RMI2: variants seen among roughly 807,000 people sequenced by gnomAD.
RMI2 encodes the protein RecQ mediated genome instability 2.
Under a neutral mutation model 8.4 loss-of-function variants are expected in RMI2, and 11 were observed. That is an observed-to-expected ratio of 1.32 (90% CI 0.83 to 2.18). The LOEUF (loss-of-function observed/expected upper bound fraction) is 2.18, where lower values mean the gene tolerates loss of function less well. Among genes scored for constraint, RMI2 ranks in the 30% most tolerant of loss-of-function variants. RMI2 has a pLI of 0.00. For synonymous variants in RMI2, 105 were observed against 93.8 expected (o/e 1.12, Z -0.69); for missense variants, 253 against 207.5 (o/e 1.22, Z -1.35).
At chr16:11,346,963 C>G (rs1025767477) in intron 1 of RMI2, among the ~76,000 whole-genome samples, 2 of 152,230 alleles carry the variant, frequency 1.3e-5, no homozygotes, top group Admixed American at 6.5e-5. Context: ...GTCCTGACAA[C>G]TGTATCCTCA....
chr16:11,346,858 T>C (rs2070880563), intron 1 of RMI2, among the ~76,000 whole-genome samples: 3 of 152,212 alleles, frequency 2.0e-5, no homozygotes, highest in Non-Finnish European at 4.4e-5. Context: ...CTTGGGTAGC[T>C]GGGACTACAG....
chr16:11,345,611 C>T lies in RMI2; in HGVS notation c.140C>T (p.Ala47Val). Residue 47 changes from alanine to valine, a missense_variant, in exon 1 of 2, where the codon GCG becomes GTG. Physicochemically the swap from Ala to Val is moderately conservative, Grantham distance 64. Coordinates refer to ENST00000312499, the MANE Select transcript of RMI2 (RefSeq NM_152308.3). ...GPGAWRLSRA[A>V]AGRGPLDLAA... is the part of the protein sequence containing the mutation. ...GGCGCGTGGCGGCTGTCACGGGCGG[C>T]GGCGGGCCGCGGGCCGCTGGACCTG... is the stretch of plus-strand genomic sequence containing the variant. The T allele has an allele frequency of 2.4e-6, 3 of 1,225,606 alleles. No individual in the cohort carries two copies. Among genetic ancestry groups the T allele is most frequent in the Admixed American group, 4.3e-5 (1 of 23,516 alleles). 75.9% of individuals were successfully genotyped at this position (1,225,606 alleles called of 1,614,324 possible). A position where few individuals can be genotyped will look rare whatever the true frequency, so the allele number is the denominator to read the frequency against.
intron 1 of RMI2, among the ~76,000 whole-genome samples, 170 bp downstream of exon 1, chr16:11,345,936 C>T (rs1014195353): frequency 2.6e-5 from 2 of 75,742 alleles, no homozygotes; most frequent in Non-Finnish European, 6.7e-5. Flanking sequence ...TCCGGTCCCT[C>T]CTTGGTGAAG....
In RMI2 at chr16:11,350,599, A is replaced by G. The variant is rs775040540; in HGVS notation, c.296-43A>G. The G allele has an allele frequency of 1.8e-5, 19 of 1,075,032 alleles. No homozygotes were observed. In the African/African-American group the frequency reaches 1.8e-4, roughly 10 times the overall value. 66.6% of individuals were successfully genotyped at this position (1,075,032 alleles called of 1,614,324 possible). ...AGCAAGACTCTGTCTCAAAAGAAGA[A>G]AAAAAAAAAGAACATTACTATGGGC... On this transcript the variant is annotated intron_variant, in intron 1 of 1. Coordinates refer to ENST00000312499, the MANE Select transcript of RMI2 (RefSeq NM_152308.3).
At position 11,345,679 on chromosome 16, in the gene RMI2, G is replaced by C; in HGVS notation, c.208G>C (p.Gly70Arg). Reference protein sequence around the residue: ...MQGRVVMADRGEARLRDPSGD... With the variant: ...MQGRVVMADRREARLRDPSGD... ...GGGCAGGGTAGTGATGGCGGACCGC[G>C]GCGAGGCTCGGCTGAGGGACCCGAG... The change falls in exon 1 of 2, where the codon GGC becomes CGC. Residue 70 changes from glycine (G) to arginine (R), a missense_variant. By Grantham distance (125) the Gly-to-Arg change is moderately radical. Coordinates refer to ENST00000312499, the MANE Select transcript of RMI2 (RefSeq NM_152308.3). 7.9e-7 allele frequency: 1 copy of C among 1,270,602 alleles called. No homozygotes were observed. The highest frequency in any genetic ancestry group is 9.9e-7 in the Non-Finnish European group (1 of 1,009,976). The allele number at this position is 1,270,602 out of a possible 1,614,324, so 78.7% of individuals were successfully genotyped here.
At chr16:11,348,372 G>C (rs1028434593) in intron 1 of RMI2, 1 of 152,260 alleles carries the variant, frequency 6.6e-6, no homozygotes, top group African/African-American at 2.4e-5. Flanking sequence ...CACCTTGCAG[G>C]CAGGCTGGGG....
intron 1 of RMI2, chr16:11,348,392 A>G (rs1034551938): frequency 3.9e-5 from 6 of 152,254 alleles, no homozygotes; most frequent in African/African-American, 1.2e-4. Flanking sequence ...GCAGTCTCCT[A>G]TCTGGTCTCA....
At chr16:11,350,200 G>A (rs373991227) in intron 1 of RMI2, among the ~76,000 whole-genome samples, 52 of 152,342 alleles carry the variant, frequency 3.4e-4, no homozygotes, top group African/African-American at 1.2e-3. Context: ...CCTCAGAGCC[G>A]CCTAATTATA....
intron 1 of RMI2, among the ~76,000 whole-genome samples, chr16:11,347,216 T>A (rs1047372965): frequency 3.3e-5 from 5 of 152,200 alleles, no homozygotes; most frequent in African/African-American, 9.6e-5. Flanking sequence ...TGCAAGGTGC[T>A]GAGTGGCCCG....
At chr16:11,347,638 G>A (rs996871924) in intron 1 of RMI2, among the ~76,000 whole-genome samples, 51 of 152,168 alleles carry the variant, frequency 3.4e-4, no homozygotes, top group Non-Finnish European at 6.3e-4. Flanking sequence ...CTCCTGTTCC[G>A]TCTTCCCACT....
rs935271157 is a variant in RMI2 at position 11,345,498 on chromosome 16, A to T, written c.27A>T (p.Ser9=). Residue 9 remains serine (S), a synonymous_variant, in exon 1 of 2, where the codon TCA becomes TCT. Transcript: ENST00000312499. MAAAADSF[S]GGPAGVRLPR... is the part of the protein sequence containing the mutation. The stretch of plus-strand genomic sequence containing the variant: ...TGGCGGCGGCTGCGGACTCGTTCTC[A>T]GGCGGCCCCGCGGGGGTGCGGCTTC... The T allele has an allele frequency of 3.0e-6, 4 of 1,315,142 alleles. No individual in the cohort carries two copies. Among genetic ancestry groups the T allele is most frequent in the Non-Finnish European group, 2.9e-6 (3 of 1,027,158 alleles). 81.5% of individuals were successfully genotyped at this position (1,315,142 alleles called of 1,614,324 possible).
In RMI2 at chr16:11,345,547, C is replaced by G. The variant is rs2070848799; in HGVS notation, c.76C>G (p.Leu26Val). 9.6e-6 allele frequency: 12 copies of G among 1,251,014 alleles called. No homozygotes were observed. Among genetic ancestry groups the G allele is most frequent in the Non-Finnish European group, 1.2e-5 (12 of 997,620 alleles). The allele number at this position is 1,251,014 out of a possible 1,614,324, so 77.5% of individuals were successfully genotyped here. Residue 26 changes from leucine to valine, a missense_variant, in exon 1 of 2, where the codon CTG (leucine) becomes GTG (valine). Leu to Val is a conservative substitution (Grantham distance 32). Transcript: ENST00000312499. ...TCCGAGGTCGCCGCCACTCAAGGTG[C>G]TGGCGGAGCAGCTGCGGCGCGACGC... ...RLPRSPPLKV[L>V]AEQLRRDAEG...
At position 11,349,308 on chromosome 16, in the gene RMI2, A is replaced by G. The variant is rs1597759529; in HGVS notation, c.296-1334A>G. On this transcript the variant is annotated intron_variant, in intron 1 of 1. Transcript: ENST00000312499. This position sits in a 1 kb window ranked among gnomAD's most constrained non-coding sequence, Gnocchi z 4.2. ...TGGAGCCATTGGAATGGTCATGGCA[A>G]CCGCGGGGTGGGGATGCAGGAAGGA... 1 of 152,472 alleles carries G rather than the reference A, an allele frequency of 6.6e-6. No homozygotes were observed. The highest frequency in any genetic ancestry group is 1.5e-5 in the Non-Finnish European group (1 of 68,140). The allele number at this position is 152,472 out of a possible 1,614,324, so 9.4% of individuals were successfully genotyped here.
rs1597762796 is a variant in RMI2, at chr16:11,351,510, A to G, written c.*720A>G. 8.6e-6 allele frequency: 2 copies of G among 231,960 alleles called. No individual in the cohort carries two copies. Among genetic ancestry groups the G allele is most frequent in the East Asian group, 1.2e-4 (2 of 16,368 alleles). The allele number at this position is 231,960 out of a possible 1,614,324, so 14.4% of individuals were successfully genotyped here. ...TCAAGATAAAGGACGCCTTTCAGGC[A>G]TTAGCTAAACTTCCACTTCATAACT... On this transcript the variant is annotated 3_prime_UTR_variant, in exon 2 of 2. Coordinates refer to ENST00000312499, the MANE Select transcript of RMI2 (RefSeq NM_152308.3).
chr16:11,346,207 C>G (rs2070866001), intron 1 of RMI2, among the ~76,000 whole-genome samples: 1 of 151,454 alleles, frequency 6.6e-6, no homozygotes, highest in African/African-American at 2.4e-5. Context: ...TGTACTTCTC[C>G]TTAATTGAAC....
Position 11,345,694 on chromosome 16 carries a change from A to G in RMI2, c.223A>G (p.Arg75Gly). Reference protein sequence around the residue: ...VMADRGEARLRDPSGDFSVRG... With the variant: ...VMADRGEARLGDPSGDFSVRG... The stretch of plus-strand genomic sequence containing the variant: ...GGCGGACCGCGGCGAGGCTCGGCTG[A>G]GGGACCCGAGCGGGGACTTCTCGGT... The change falls in exon 1 of 2, where the codon AGG becomes GGG. Residue 75 changes from arginine to glycine, a missense_variant. Coordinates refer to ENST00000312499, the MANE Select transcript of RMI2 (RefSeq NM_152308.3). 8 of 1,266,782 alleles carry G rather than the reference A, an allele frequency of 6.3e-6. No individual in the cohort carries two copies. The highest frequency in any genetic ancestry group is 7.9e-6 in the Non-Finnish European group (8 of 1,008,144). 78.5% of individuals were successfully genotyped at this position (1,266,782 alleles called of 1,614,324 possible). A position where few individuals can be genotyped will look rare whatever the true frequency, so the allele number is the denominator to read the frequency against.
At chr16:11,346,013 C>T (rs1471210016) in intron 1 of RMI2, among the ~76,000 whole-genome samples, 2 of 152,222 alleles carry the variant, frequency 1.3e-5, no homozygotes, top group South Asian at 2.1e-4. Flanking sequence ...CTCTCCCACC[C>T]CTAGTGGGAA....
chr16:11,345,838 CTTG>C (rs1387684147), intron 1 of RMI2, 72 bp downstream of exon 1: 129 of 1,153,682 alleles, frequency 1.1e-4, no homozygotes, highest in Middle Eastern at 3.1e-4. Flanking sequence ...CAGATTCGAT[CTTG>C]TTGTTGACAC....
chr16:11,346,088 G>A (rs2070862821), intron 1 of RMI2, among the ~76,000 whole-genome samples: 1 of 152,148 alleles, frequency 6.6e-6, no homozygotes, highest in African/African-American at 2.4e-5. Context: ...TGATATCCTT[G>A]TTTTGGGAAA....
Sources: allele counts gnomAD v4.1 joint callset (sites outside exome capture counted in the v4.1 genomes callset), GRCh38; gene constraint gnomAD v4.1.1; non-coding constraint Gnocchi (gnomAD v3.1); transcripts MANE v1.5; gene names NCBI Gene and HGNC (gene_info 2026-07-23, HGNC 2026-07-21).